Variants in TENM3 observed in about 807,000 individuals in gnomAD.
TENM3 encodes the protein teneurin transmembrane protein 3.
TENM3 carries 63 observed loss-of-function variants against 255.1 expected under a neutral mutation model. That is an observed-to-expected ratio of 0.25 (90% CI 0.20 to 0.30). The LOEUF is 0.30. Among genes scored for constraint, TENM3 ranks in the 10% least tolerant of loss-of-function variants. TENM3 has a pLI of 1.00. For missense variants in TENM3, 2,929 were observed against 3,461.1 expected (o/e 0.85, Z 3.86); for synonymous variants, 1,306 against 1,322.3 (o/e 0.99, Z 0.27).
At chr4:181,795,206 G>A in the TENM3 span, among the ~76,000 whole-genome samples, 1 of 151,926 alleles carries the variant, frequency 6.6e-6, no homozygotes, top group Non-Finnish European at 1.5e-5. Context: ...ACACTGAGTG[G>A]TTTAAATAAC....
At chr4:182,075,207 T>TTTC in the TENM3 span, among the ~76,000 whole-genome samples, 1 of 147,886 alleles carries the variant, frequency 6.8e-6, no homozygotes, top group Admixed American at 6.7e-5. Flanking sequence ...TTTCTTTTTT[T>TTTC]TTTTTTTTTG....
chr4:182,479,022 T>G (rs1392599692), intron 3 of TENM3, among the ~76,000 whole-genome samples: 1 of 151,966 alleles, frequency 6.6e-6, no homozygotes, highest in Non-Finnish European at 1.5e-5. Flanking sequence ...AATGTTTGTC[T>G]TTTAAAATGT....
the TENM3 span, among the ~76,000 whole-genome samples, chr4:181,978,794 A>G: frequency 1.0e-3 from 155 of 151,716 alleles, 2 homozygotes; most frequent in South Asian, 0.02. Flanking sequence ...CCATCTCACT[A>G]TCTGAAACTT....
At chr4:182,761,653 A>G (rs561030431) in intron 22 of TENM3, among the ~76,000 whole-genome samples, 1 of 152,298 alleles carries the variant, frequency 6.6e-6, no homozygotes, top group South Asian at 2.1e-4. Context: ...AATGGTGCTC[A>G]GCCACCTGCT....
chr4:182,687,002 T>C (rs1477401621), intron 11 of TENM3, among the ~76,000 whole-genome samples: 1 of 152,138 alleles, frequency 6.6e-6, no homozygotes, highest in Non-Finnish European at 1.5e-5. Flanking sequence ...ATAAAAAATA[T>C]TACAACTCTC....
At chr4:182,389,716 C>G (rs1189671504) in intron 3 of TENM3, among the ~76,000 whole-genome samples, 4 of 103,294 alleles carry the variant, frequency 3.9e-5, no homozygotes, top group South Asian at 3.3e-4. Context: ...GACGGAGTCT[C>G]GCTCTGTCGC....
At chr4:181,906,055 G>T in the TENM3 span, 1,160 of 381,942 alleles carry the variant, frequency 3.0e-3, 14 homozygotes, top group African/African-American at 0.024. Context: ...CTCAACATCA[G>T]ACTGTCCAAT....
At chr4:181,457,399 A>G in the TENM3 span, among the ~76,000 whole-genome samples, 5 of 151,854 alleles carry the variant, frequency 3.3e-5, no homozygotes, top group African/African-American at 9.6e-5. Context: ...TTGGAAGTTC[A>G]AGTCAACTTC....
chr4:182,170,372 C>A (rs1482773682), intron 1 of TENM3, among the ~76,000 whole-genome samples: 2 of 152,108 alleles, frequency 1.3e-5, no homozygotes, highest in African/African-American at 4.8e-5. Flanking sequence ...ATGGTGTAAT[C>A]CAGTGTATTT....
At chr4:181,691,097 T>G in the TENM3 span, among the ~76,000 whole-genome samples, 1 of 152,330 alleles carries the variant, frequency 6.6e-6, no homozygotes, top group Admixed American at 6.5e-5. Flanking sequence ...TGCAAAGTCA[T>G]GCATTGTTAT....
At chr4:182,235,810 A>G (rs1257906581) in intron 1 of TENM3, among the ~76,000 whole-genome samples, 1 of 152,244 alleles carries the variant, frequency 6.6e-6, no homozygotes, top group Non-Finnish European at 1.5e-5. Flanking sequence ...GCTTGTGTTC[A>G]TTCAGGCAGT....
chr4:181,605,575 A>AAAGAAAGAAG, the TENM3 span, among the ~76,000 whole-genome samples: 2 of 21,816 alleles, frequency 9.2e-5, 1 homozygote, highest in Non-Finnish European at 3.3e-4. Context: ...AGAAAGAGAG[A>AAAGAAAGAAG]GAAAGAAAGG....
chr4:182,007,146 A>T, the TENM3 span, among the ~76,000 whole-genome samples: 1 of 152,118 alleles, frequency 6.6e-6, no homozygotes, highest in Non-Finnish European at 1.5e-5. Flanking sequence ...TTTACTTTCA[A>T]TTATGTGGTT....
the TENM3 span, among the ~76,000 whole-genome samples, chr4:181,865,948 T>C: frequency 6.6e-6 from 1 of 152,224 alleles, no homozygotes; most frequent in Admixed American, 6.5e-5. Flanking sequence ...CCACTCTTTA[T>C]AAACCTGTAC....
At chr4:182,706,217 A>G (rs1218701706) in intron 12 of TENM3, among the ~76,000 whole-genome samples, 1 of 152,164 alleles carries the variant, frequency 6.6e-6, no homozygotes, top group Non-Finnish European at 1.5e-5. Flanking sequence ...TTTTGGTGTC[A>G]GACTGCCTGG....
the TENM3 span, among the ~76,000 whole-genome samples, chr4:181,611,578 CTGTT>C: frequency 0.024 from 3,719 of 152,266 alleles, 64 homozygotes; most frequent in Admixed American, 0.059. Context: ...GATACGGAGT[CTGTT>C]TGGTAACTCT....
chr4:181,952,787 A>G, the TENM3 span, among the ~76,000 whole-genome samples: 1 of 152,232 alleles, frequency 6.6e-6, no homozygotes, highest in Non-Finnish European at 1.5e-5. Flanking sequence ...AGCTTGCACA[A>G]AGTGAACATT....
chr4:182,123,177 TTTTG>T, the TENM3 span, among the ~76,000 whole-genome samples: 2 of 152,186 alleles, frequency 1.3e-5, no homozygotes, highest in Non-Finnish European at 1.5e-5. Flanking sequence ...GTTGTTTGTT[TTTTG>T]TTTGTTTTTT....
intron 1 of TENM3, among the ~76,000 whole-genome samples, chr4:182,283,959 G>A (rs1172797449): frequency 6.6e-6 from 1 of 152,168 alleles, no homozygotes; most frequent in East Asian, 1.9e-4. Context: ...TTGTGGAGCT[G>A]TGGTCTGGGA....
Sources: gnomAD v4.1 joint callset for allele counts (sites outside exome capture counted in the v4.1 genomes callset) on GRCh38, gnomAD v4.1.1 for gene constraint, MANE v1.5 for transcripts, NCBI Gene and HGNC (gene_info 2026-07-23, HGNC 2026-07-21) for gene names.